The following RIF1 variants were observed in gnomAD, a reference collection of about 807,000 sequenced individuals.
RIF1 encodes the protein replication timing regulatory factor 1, also known as telomere-associated protein RIF1.
RIF1 carries 45 observed loss-of-function variants against 247.1 expected under a neutral mutation model. The observed-to-expected ratio is 0.18, with a 90% CI of 0.14 to 0.23. The LOEUF (loss-of-function observed/expected upper bound fraction) is 0.23. Ranked by LOEUF, RIF1 falls within the 10% of genes least tolerant of loss-of-function variation. RIF1 has a pLI of 1.00. For missense variants in RIF1, 2,967 were observed against 2,862.5 expected (o/e 1.04, Z -0.83); for synonymous variants, 1,087 against 978.8 (o/e 1.11, Z -2.06).
At position 151,410,441 on chromosome 2, in the gene RIF1, G is replaced by C. The variant is rs372527422; in HGVS notation, c.18G>C (p.Gln6His). MTARG[Q>H]SPLAPLLETL... is the part of the protein sequence containing the mutation. ...TGGCCGACATGACGGCCAGGGGTCA[G>C]AGCCCCCTCGCGCCGCTGTTGGAGA... The change falls in exon 2 of 36, where the codon CAG (glutamine) becomes CAC (histidine). Residue 6 changes from glutamine (Q) to histidine (H), a missense_variant. Around this residue, in one of 7 missense-constraint regions of RIF1, gnomAD observed 269 missense variants for 288.6 expected, o/e 0.93. Coordinates refer to ENST00000444746, the MANE Select transcript of RIF1 (RefSeq NM_018151.5). The C allele has an allele frequency of 6.2e-7, 1 of 1,612,460 alleles. No homozygotes were observed. Among genetic ancestry groups the C allele is most frequent in the African/African-American group, 1.3e-5 (1 of 74,536 alleles).
chr2:151,503,452 T>C (rs1171835385), intron 12 of RIF1: 5 of 1,551,776 alleles, frequency 3.2e-6, no homozygotes, highest in East Asian at 2.2e-5. Context: ...CTGTAGAAAA[T>C]AATTAGAATA....
chr2:151,525,133 C>T, the RIF1 span: 5 of 1,476,894 alleles, frequency 3.4e-6, no homozygotes, highest in East Asian at 6.8e-5. Flanking sequence ...TTCAAATGGG[C>T]CCCCAAGAGT....
intron 6 of RIF1, among the ~76,000 whole-genome samples, chr2:151,418,909 C>T (rs1181117179): frequency 6.7e-6 from 1 of 148,814 alleles, no homozygotes; most frequent in African/African-American, 2.5e-5. Flanking sequence ...AAAACACAAA[C>T]ATACAATTGT....
chr2:151,463,294 A>C lies in RIF1; in HGVS notation c.3774A>C (p.Lys1258Asn). Residue 1258 changes from lysine (K) to asparagine (N), a missense_variant, in exon 30 of 36, where the codon AAA becomes AAC. By Grantham distance (94) the Lys-to-Asn change is moderately conservative (BLOSUM62 0). Transcript: ENST00000444746. Reference protein sequence around the residue: ...TVKNNQETMIKTDFLPKAKQR... With the variant: ...TVKNNQETMINTDFLPKAKQR... ...AAAATAACCAGGAAACCATGATTAA[A>C]ACAGATTTTCTACCAAAAGCAAAGC... is the stretch of plus-strand genomic sequence containing the variant. The C allele has an allele frequency of 1.2e-6, 2 of 1,612,750 alleles. No homozygotes were observed. The highest frequency in any genetic ancestry group is 1.7e-6 in the Non-Finnish European group (2 of 1,179,678).
rs558967311 is a variant in RIF1 at position 151,431,527 on chromosome 2, C to T, written c.926-1550C>T. ...ATAGAATAGAGTCCAGACGTGGTGG[C>T]TCACGCCTGTAATCCCAGCACTTTG... On this transcript the variant is annotated intron_variant, in intron 9 of 35. Coordinates refer to ENST00000444746, the MANE Select transcript of RIF1 (RefSeq NM_018151.5). 4.6e-5 allele frequency among the ~76,000 whole-genome samples: 7 copies of T among 152,320 alleles called. No homozygotes were observed. The South Asian group carries it at 1.0e-3, about 23-fold the overall frequency.
At chr2:151,469,461 A>G (rs1697459814) in intron 33 of RIF1, among the ~76,000 whole-genome samples, 1 of 152,160 alleles carries the variant, frequency 6.6e-6, no homozygotes, top group Admixed American at 6.5e-5. Flanking sequence ...AGAATTATCT[A>G]TTAATGAGAT....
intron 10 of RIF1, among the ~76,000 whole-genome samples, chr2:151,435,213 TC>T (rs1421237708): frequency 6.6e-6 from 1 of 152,200 alleles, no homozygotes; most frequent in Non-Finnish European, 1.5e-5. Flanking sequence ...TTAAAATTAG[TC>T]TACCAGTAAT....
rs182861380 is a variant in RIF1, at chr2:151,447,587, G to A, written c.2244+1012G>A. 4.7e-3 allele frequency among the ~76,000 whole-genome samples: 715 copies of A among 151,920 alleles called. 15 individuals carry two copies. The highest frequency in any genetic ancestry group is 2.4e-3 in the Non-Finnish European group (165 of 67,962). On this transcript the variant is annotated intron_variant, in intron 20 of 35. Transcript: ENST00000444746. The stretch of plus-strand genomic sequence containing the variant: ...TTGAGACAGAGTCTCACTCTGCTGC[G>A]CAGGCTTGAGTGCAGTGGCACGATC...
intron 10 of RIF1, chr2:151,497,773 G>C: frequency 1.3e-6 from 2 of 1,547,432 alleles, no homozygotes; most frequent in East Asian, 2.4e-5. Context: ...TTCATTTCTT[G>C]GGACTTTTTA....
intron 13 of RIF1, among the ~76,000 whole-genome samples, chr2:151,437,809 G>T (rs1474054203): frequency 6.6e-6 from 1 of 152,160 alleles, no homozygotes; most frequent in African/African-American, 2.4e-5. Context: ...TACCATGTTA[G>T]TTCATTTTAC....
chr2:151,508,697 C>T (rs2071355422), downstream of RIF1, among the ~76,000 whole-genome samples: 1 of 152,232 alleles, frequency 6.6e-6, no homozygotes, highest in Admixed American at 6.5e-5. Flanking sequence ...CCTGACAGGA[C>T]TGGCAGCTCT....
downstream of RIF1, among the ~76,000 whole-genome samples, chr2:151,508,927 C>CTTAT (rs2153223143): frequency 6.6e-6 from 1 of 152,330 alleles, no homozygotes; most frequent in African/African-American, 2.4e-5. Context: ...ACTTTAGAGC[C>CTTAT]TTATTTTTCT....
intron 12 of RIF1, among the ~76,000 whole-genome samples, chr2:151,504,987 A>C (rs556780530): frequency 4.7e-4 from 72 of 152,082 alleles, no homozygotes; most frequent in Non-Finnish European, 6.5e-4. Flanking sequence ...GGGAGAAGAG[A>C]CTTCACATGT....
chr2:151,474,011 A>G lies in RIF1; in HGVS notation c.7143A>G (p.Glu2381=). The change falls in exon 35 of 36, where the codon GAA becomes GAG. Residue 2381 remains glutamate (E), a synonymous_variant. Coordinates refer to ENST00000444746, the MANE Select transcript of RIF1 (RefSeq NM_018151.5). The part of the protein sequence containing the change: ...LEEIPVFDIS[E]KTVNGIENKS... ...AGATTCCAGTTTTTGATATTTCTGA[A>G]AAAACAGTAAATGGAATAGAAAATA... The G allele has an allele frequency of 6.3e-7, 1 of 1,597,676 alleles. No individual in the cohort carries two copies. Among genetic ancestry groups the G allele is most frequent in the Non-Finnish European group, 8.6e-7 (1 of 1,166,398 alleles).
chr2:151,475,152 A>C lies in RIF1; in HGVS notation c.*81A>C. On this transcript the variant is annotated 3_prime_UTR_variant, in exon 36 of 36. Transcript: ENST00000444746. Reference sequence around the variant, plus strand: ...GAAACAAGTTCTGAAATAATAGCACAATTTCAAAGAAGAGACTCTTTGCAA... The same window carrying C: ...GAAACAAGTTCTGAAATAATAGCACCATTTCAAAGAAGAGACTCTTTGCAA... 1 of 962,318 alleles carries C rather than the reference A, an allele frequency of 1.0e-6. No homozygotes were observed. The highest frequency in any genetic ancestry group is 1.4e-5 in the South Asian group (1 of 70,918). The allele number at this position is 962,318 out of a possible 1,614,324, so 59.6% of individuals were successfully genotyped here.
At chr2:151,454,418 T>C (rs1382860154) in intron 21 of RIF1, among the ~76,000 whole-genome samples, 7 of 152,170 alleles carry the variant, frequency 4.6e-5, no homozygotes, top group Admixed American at 4.6e-4. Context: ...TATCTCTGAC[T>C]TGTTCAATGT....
At chr2:151,501,924 T>G (rs535870667) in intron 11 of RIF1, among the ~76,000 whole-genome samples, 3 of 152,256 alleles carry the variant, frequency 2.0e-5, no homozygotes, top group Admixed American at 6.5e-5. Flanking sequence ...TACTGAAAGT[T>G]TTCCAAAGGA....
intron 10 of RIF1, chr2:151,497,371 C>T: frequency 1.0e-6 from 1 of 980,334 alleles, no homozygotes. Context: ...GTTATCCACA[C>T]AAACTGAAAA....
chr2:151,489,757 GT>G (rs372813378), intron 9 of RIF1, among the ~76,000 whole-genome samples: 17 of 148,064 alleles, frequency 1.1e-4, no homozygotes, highest in Admixed American at 3.4e-4. Context: ...CTAGGTTTGG[GT>G]TTTTTTTTTA....
Sources: gnomAD v4.1 joint callset for allele counts (sites outside exome capture counted in the v4.1 genomes callset) on GRCh38, gnomAD v4.1.1 for gene constraint, gnomAD v4.1.1 regional missense constraint, MANE v1.5 for transcripts, NCBI Gene and HGNC (gene_info 2026-07-23, HGNC 2026-07-21) for gene names.